FDFT1: variants seen among roughly 807,000 people sequenced by gnomAD.
The protein encoded by FDFT1 is squalene synthase.
A neutral mutation model predicts 46.8 loss-of-function variants in FDFT1; 68 were observed. The ratio of observed to expected loss-of-function variants is 1.45; its 90% confidence interval spans 1.19 to 1.78. The LOEUF is 1.78. Ranked by LOEUF, FDFT1 falls within the 40% of genes most tolerant of loss-of-function variation. The pLI is 0.00. For synonymous variants in FDFT1, 351 were observed against 185.1 expected, an observed-to-expected ratio of 1.90 and a Z score of -7.28; for missense variants, 928 against 524.4, an observed-to-expected ratio of 1.77 and a Z score of -7.52.
In FDFT1 at chr8:11,830,345, C is replaced by T. The variant is rs150179680; in HGVS notation, c.804C>T (p.His268=). 191 of 1,613,692 alleles carry T rather than the reference C, an allele frequency of 1.2e-4. No homozygotes were observed. In the African/African-American group the frequency reaches 2.4e-3, roughly 20 times the overall value. ...ATGAACTTATAACCAATGCACTGCA[C>T]CACATCCCAGATGTCATCACCTACC... ...CLNELITNAL[H]HIPDVITYLS... is the part of the protein sequence containing the mutation. The change falls in exon 6 of 8, where the codon CAC becomes CAT. Residue 268 remains histidine, a synonymous_variant. Transcript: ENST00000220584.
chr8:11,826,056 T>G lies in FDFT1; in HGVS notation c.543T>G (p.Ile181Met). 1 of 1,603,250 alleles carries G rather than the reference T, an allele frequency of 6.2e-7. No homozygotes were observed. Residue 181 changes from isoleucine (I) to methionine (M), a missense_variant, in exon 5 of 8, where the codon ATT becomes ATG. Physicochemically the swap from Ile to Met is conservative, Grantham distance 10. Transcript: ENST00000220584. ...ACTATGTTGCTGGGCTGGTCGGAAT[T>G]GGCCTTTCCCGTCTTTTCTCAGCCT... ...YCHYVAGLVGIGLSRLFSASE... is the reference protein window; with the variant it reads ...YCHYVAGLVGMGLSRLFSASE...
intron 4 of FDFT1, among the ~76,000 whole-genome samples, chr8:11,823,408 T>C (rs1009147791): frequency 2.0e-5 from 3 of 152,232 alleles, no homozygotes; most frequent in South Asian, 2.1e-4. Flanking sequence ...AGTAATTCTT[T>C]TGAAGATTTT....
chr8:11,804,066 C>T (rs2130674158), intron 1 of FDFT1, among the ~76,000 whole-genome samples: 1 of 152,334 alleles, frequency 6.6e-6, no homozygotes, highest in South Asian at 2.1e-4. Context: ...AGTTGTATAT[C>T]AGATAGTGTT....
At chr8:11,811,185 C>G (rs1807665887) in intron 3 of FDFT1, among the ~76,000 whole-genome samples, 2 of 152,194 alleles carry the variant, frequency 1.3e-5, no homozygotes, top group South Asian at 4.1e-4. Flanking sequence ...GGTGATTTGA[C>G]TCTCACAGGA....
At chr8:11,826,335 G>C in intron 5 of FDFT1, 120 bp downstream of exon 5, 1 of 672,762 alleles carries the variant, frequency 1.5e-6, no homozygotes, top group Non-Finnish European at 2.4e-6. Flanking sequence ...CAGCATAAGG[G>C]GATGTGGAAA....
At chr8:11,826,793 C>T (rs554108570) in intron 5 of FDFT1, among the ~76,000 whole-genome samples, 93 of 152,200 alleles carry the variant, frequency 6.1e-4, no homozygotes, top group Non-Finnish European at 1.1e-3. Flanking sequence ...CCAGCCTGGG[C>T]GACAGAGTGA....
intron 3 of FDFT1, among the ~76,000 whole-genome samples, chr8:11,820,815 T>G (rs749287105): frequency 1.3e-5 from 2 of 152,244 alleles, no homozygotes; most frequent in Non-Finnish European, 2.9e-5. Context: ...CCTGACCCCT[T>G]GCACTTCCTG....
chr8:11,838,238 C>T (rs1811808955), intron 7 of FDFT1, 150 bp from the exon 8 acceptor site: 3 of 659,602 alleles, frequency 4.5e-6, no homozygotes, highest in Non-Finnish European at 8.1e-6. Flanking sequence ...ATTGGGATGG[C>T]TTTGGGTAAG....
At chr8:11,813,403 T>G (rs1284056082) in intron 3 of FDFT1, among the ~76,000 whole-genome samples, 2 of 152,348 alleles carry the variant, frequency 1.3e-5, no homozygotes, top group East Asian at 1.9e-4. Flanking sequence ...AATTTACTCT[T>G]TGTGTTATTT....
At position 11,825,475 on chromosome 8, in the gene FDFT1, G is replaced by C. The variant is rs546300162; in HGVS notation, c.511-549G>C. ...GAATCACTTGAACCCAAGAGGCAGA[G>C]GTTGCAGTGAGTTGAGATTGTGCCA... is the stretch of plus-strand genomic sequence containing the variant. On this transcript the variant is annotated intron_variant, in intron 4 of 7. Transcript: ENST00000220584. Among the ~76,000 whole-genome samples the C allele has an allele frequency of 2.0e-5, 3 of 150,590 alleles. No individual in the cohort carries two copies. In the East Asian group the frequency reaches 5.9e-4, roughly 30 times the overall value.
At chr8:11,803,054 G>T (rs979880421) in intron 1 of FDFT1, 123 bp downstream of exon 1, 3 of 1,462,482 alleles carry the variant, frequency 2.1e-6, no homozygotes, top group Non-Finnish European at 2.7e-6. Context: ...ACGCCTGGGT[G>T]TTCCCGTCCC....
intron 2 of FDFT1, chr8:11,809,273 A>T: frequency 9.1e-7 from 1 of 1,104,940 alleles, no homozygotes; most frequent in Non-Finnish European, 1.1e-6. Context: ...ACACCCATGA[A>T]CTTAGACCAG....
chr8:11,802,439 T>G (rs143651139), upstream of FDFT1: 57 of 460,336 alleles, frequency 1.2e-4, no homozygotes, highest in East Asian at 3.7e-3. Context: ...CCCACAGCGT[T>G]CGCGCTCCCA....
intron 7 of FDFT1, among the ~76,000 whole-genome samples, chr8:11,832,423 G>A (rs1209020139): frequency 2.0e-5 from 3 of 151,464 alleles, no homozygotes; most frequent in Non-Finnish European, 2.9e-5. Flanking sequence ...GGTGGTGCAC[G>A]CCTGTGGTCC....
At chr8:11,808,548 A>G (rs528457246) in intron 1 of FDFT1, 6 of 1,365,726 alleles carry the variant, frequency 4.4e-6, no homozygotes, top group East Asian at 2.9e-5. Context: ...CACCAAGGCC[A>G]TGGCCCTCTT....
rs1271923357 is a variant in FDFT1, at chr8:11,809,751, C to T, written c.282C>T (p.Val94=). 5 of 1,613,930 alleles carry T rather than the reference C, an allele frequency of 3.1e-6. No homozygotes were observed. Among genetic ancestry groups the T allele is most frequent in the African/African-American group, 1.3e-5 (1 of 74,892 alleles). The change falls in exon 3 of 8, where the codon GTC becomes GTT. Residue 94 remains valine (V), a synonymous_variant. Transcript: ENST00000220584. ...TGACCATCAGTGTGGAAAAGAAGGT[C>T]CCGCTGTTACACAACTTTCACTCTT... ...DDMTISVEKK[V]PLLHNFHSFL... is the part of the protein sequence containing the mutation.
rs993380875 is a variant in FDFT1, at chr8:11,809,512, A to G, written c.198-155A>G. 5 of 1,318,624 alleles carry G rather than the reference A, an allele frequency of 3.8e-6. No individual in the cohort carries two copies. The Admixed American group carries it at 1.4e-4, about 36-fold the overall frequency. The allele number at this position is 1,318,624 out of a possible 1,614,324, so 81.7% of individuals were successfully genotyped here. ...TCATGTAAGGAAGGAAAACTAATGT[A>G]ACTTTCGTTAAGTATGAAAAGCGTT... is the stretch of plus-strand genomic sequence containing the variant. On this transcript the variant is annotated intron_variant, in intron 2 of 7. Coordinates refer to ENST00000220584, the MANE Select transcript of FDFT1 (RefSeq NM_004462.5).
chr8:11,808,947 A>G (rs965738129), intron 2 of FDFT1, 56 bp downstream of exon 2: 74 of 1,579,206 alleles, frequency 4.7e-5, no homozygotes, highest in Non-Finnish European at 5.9e-5. Context: ...GGGACCTTTG[A>G]GTGTGTTGGA....
At chr8:11,797,248 G>T (rs765565558), upstream of FDFT1, among the ~76,000 whole-genome samples, 1 of 152,146 alleles carries the variant, frequency 6.6e-6, no homozygotes, top group South Asian at 2.1e-4. Flanking sequence ...CTCATTTTGA[G>T]TTCCTTGGAC....
Sources: allele counts gnomAD v4.1 joint callset (sites outside exome capture counted in the v4.1 genomes callset), GRCh38; gene constraint gnomAD v4.1.1; transcripts MANE v1.5; gene names NCBI Gene and HGNC (gene_info 2026-07-23, HGNC 2026-07-21).